The following NRG3 variants were observed in gnomAD, a reference collection of about 807,000 sequenced individuals.
NRG3 encodes neuregulin 3.
A neutral mutation model predicts 66.9 loss-of-function variants in NRG3; 31 were observed. The ratio of observed to expected loss-of-function variants is 0.46; its 90% CI spans 0.35 to 0.63. The LOEUF (loss-of-function observed/expected upper bound fraction) is 0.63, where lower values mean the gene tolerates loss of function less well. NRG3 is among the 20% of genes least tolerant of loss of function. The pLI is 0.00. For missense variants in NRG3, 910 were observed against 878.9 expected, an observed-to-expected ratio of 1.04 and a Z score of -0.45; for synonymous variants, 393 against 359.4, an observed-to-expected ratio of 1.09 and a Z score of -1.06.
Position 82,265,960 on chromosome 10 carries a change from T to C in NRG3, c.824-92779T>C, listed in dbSNP as rs140809324. On this transcript the variant is annotated intron_variant, in intron 1 of 8. Transcript: ENST00000372141. ...AAGGAATAGAGAACAAAATTCATCC[T>C]TTAATAGGGCTTCAGAGAAAAGTTC... Among the ~76,000 whole-genome samples the C allele has an allele frequency of 1.2e-4, 19 of 152,290 alleles. 1 individual carries two copies. In the East Asian group the frequency reaches 3.7e-3, roughly 29 times the overall value.
At chr10:82,235,686 G>A (rs540107871) in intron 1 of NRG3, among the ~76,000 whole-genome samples, 59 of 152,188 alleles carry the variant, frequency 3.9e-4, no homozygotes, top group South Asian at 1.0e-3. Context: ...TGAATCATAC[G>A]TGTGCATGGC....
chr10:82,046,045 A>T (rs2063277838), intron 1 of NRG3, among the ~76,000 whole-genome samples: 1 of 142,370 alleles, frequency 7.0e-6, no homozygotes, highest in African/African-American at 2.6e-5. Context: ...TGACTTGGCA[A>T]TGTGGGCTCT....
chr10:82,285,379 T>C (rs1048079101), intron 1 of NRG3, among the ~76,000 whole-genome samples: 6 of 152,186 alleles, frequency 3.9e-5, no homozygotes, highest in African/African-American at 1.4e-4. Flanking sequence ...GTTCATATGG[T>C]CTGTTTATTG....
rs536930691 is a variant in NRG3 at position 82,235,576 on chromosome 10, G to A, written c.824-123163G>A. Among the ~76,000 whole-genome samples, 3 of 152,068 alleles carry A rather than the reference G, an allele frequency of 2.0e-5. No individual in the cohort carries two copies. The South Asian group carries it at 6.2e-4, about 32-fold the overall frequency. ...TCAAGTAATCTCCCACTGCTCTTAA[G>A]GCCTATATTGTTTTGCCACCCTAGC... is the stretch of plus-strand genomic sequence containing the variant. On this transcript the variant is annotated intron_variant, in intron 1 of 8. Transcript: ENST00000372141.
chr10:82,942,087 CT>C (rs1284839858), intron 4 of NRG3, among the ~76,000 whole-genome samples: 2 of 151,884 alleles, frequency 1.3e-5, no homozygotes, highest in Non-Finnish European at 1.5e-5. Flanking sequence ...AGCTCAGTGT[CT>C]TTTAGGCCAC....
intron 1 of NRG3, among the ~76,000 whole-genome samples, chr10:82,226,881 T>A (rs2076191378): frequency 6.6e-6 from 1 of 152,208 alleles, no homozygotes; most frequent in Admixed American, 6.5e-5. Flanking sequence ...TTGTCAGTCA[T>A]CACTGTTGTT....
At position 82,058,486 on chromosome 10, in the gene NRG3, A is replaced by G. The variant is rs1182465802; in HGVS notation, c.823+182323A>G. 2.0e-5 allele frequency among the ~76,000 whole-genome samples: 3 copies of G among 151,168 alleles called. No individual in the cohort carries two copies. The East Asian group carries it at 5.8e-4, about 29-fold the overall frequency. On this transcript the variant is annotated intron_variant, in intron 1 of 8. Coordinates refer to ENST00000372141, the MANE Select transcript of NRG3 (RefSeq NM_001010848.4). The stretch of plus-strand genomic sequence containing the variant: ...CCGTTTCATCTGTAGAATATAAATG[A>G]CTCCTTTTATGTGGTGCAGAATGCT...
At chr10:82,001,810 A>C (rs1286198632) in intron 1 of NRG3, among the ~76,000 whole-genome samples, 1 of 152,324 alleles carries the variant, frequency 6.6e-6, no homozygotes, top group East Asian at 1.9e-4. Flanking sequence ...ATCATTTCAT[A>C]TAGGATCTGC....
At chr10:82,630,538 C>G (rs530812403) in intron 2 of NRG3, among the ~76,000 whole-genome samples, 1 of 151,896 alleles carries the variant, frequency 6.6e-6, no homozygotes, top group African/African-American at 2.4e-5. Context: ...TTGGCCCGGA[C>G]GTGGTGGTGG....
intron 1 of NRG3, among the ~76,000 whole-genome samples, chr10:82,205,856 T>G (rs2075091838): frequency 6.6e-6 from 1 of 152,238 alleles, no homozygotes; most frequent in African/African-American, 2.4e-5. Flanking sequence ...AAATAGGTTT[T>G]CTGCCTTTTC....
At chr10:82,456,137 C>CTTTTTT (rs147759240) in intron 2 of NRG3, among the ~76,000 whole-genome samples, 1 of 88,802 alleles carries the variant, frequency 1.1e-5, no homozygotes, top group Non-Finnish European at 2.4e-5. Context: ...TTTTCTGTCA[C>CTTTTTT]TTTTTTTTTT....
At chr10:81,989,400 C>G (rs2060649334) in intron 1 of NRG3, among the ~76,000 whole-genome samples, 1 of 151,772 alleles carries the variant, frequency 6.6e-6, no homozygotes, top group Non-Finnish European at 1.5e-5. Context: ...AGTCGCATAC[C>G]TTAAAGTACA....
At chr10:82,071,681 C>A (rs1388697014) in intron 1 of NRG3, among the ~76,000 whole-genome samples, 1 of 152,084 alleles carries the variant, frequency 6.6e-6, no homozygotes, top group African/African-American at 2.4e-5. Flanking sequence ...TGTTGGAGGG[C>A]TTGGTTGATG....
intron 1 of NRG3, among the ~76,000 whole-genome samples, chr10:82,316,252 A>C (rs973803177): frequency 6.6e-6 from 1 of 152,200 alleles, no homozygotes; most frequent in Non-Finnish European, 1.5e-5. Flanking sequence ...AAACACTCCT[A>C]TAACTAACGT....
intron 2 of NRG3, among the ~76,000 whole-genome samples, chr10:82,451,868 T>C (rs1230351750): frequency 6.6e-6 from 1 of 152,174 alleles, no homozygotes; most frequent in Non-Finnish European, 1.5e-5. Flanking sequence ...TAGACCTACT[T>C]GCATGTTTGT....
chr10:82,643,665 T>C (rs1448997833), intron 2 of NRG3, among the ~76,000 whole-genome samples: 2 of 152,144 alleles, frequency 1.3e-5, no homozygotes, highest in Non-Finnish European at 2.9e-5. Context: ...CTCCAAAATT[T>C]ATCTGTTTTT....
chr10:82,223,580 A>G (rs990862346), intron 1 of NRG3, among the ~76,000 whole-genome samples: 1 of 151,572 alleles, frequency 6.6e-6, no homozygotes, highest in African/African-American at 2.4e-5. Flanking sequence ...ATATACTACT[A>G]GGGTTTTTGC....
At chr10:82,188,124 A>G (rs891360788) in intron 1 of NRG3, among the ~76,000 whole-genome samples, 3 of 152,146 alleles carry the variant, frequency 2.0e-5, no homozygotes, top group African/African-American at 7.2e-5. Flanking sequence ...ACAGACATCA[A>G]AGGAACAGAA....
chr10:82,567,637 C>A (rs1016992484), intron 2 of NRG3, among the ~76,000 whole-genome samples: 54 of 152,062 alleles, frequency 3.6e-4, no homozygotes, highest in African/African-American at 1.3e-3. Flanking sequence ...ACATATAAAT[C>A]AATCTCATAT....
Sources: gnomAD v4.1 joint callset for allele counts (sites outside exome capture counted in the v4.1 genomes callset) on GRCh38, gnomAD v4.1.1 for gene constraint, MANE v1.5 for transcripts, NCBI Gene and HGNC (gene_info 2026-07-23, HGNC 2026-07-21) for gene names.